The following WDFY3 variants were observed in gnomAD, a reference collection of about 807,000 sequenced individuals.
WDFY3 encodes the protein WD repeat and FYVE domain-containing protein 3.
A neutral mutation model predicts 409.6 loss-of-function variants in WDFY3; 66 were observed. The observed-to-expected ratio is 0.16, with a 90% CI of 0.13 to 0.20. The LOEUF is 0.20. WDFY3 is among the 10% of genes least tolerant of loss of function. The probability of loss-of-function intolerance (pLI) is 1.00; values close to 1 mark genes in which losing one functional copy is unlikely to be tolerated. For missense variants in WDFY3, 3,031 were observed against 4,298.1 expected (o/e 0.71, Z 8.24); for synonymous variants, 1,521 against 1,537.1 (o/e 0.99, Z 0.25).
Position 84,775,118 on chromosome 4 carries a change from A to G in WDFY3, c.4539T>C (p.Tyr1513=). 1 of 1,613,450 alleles carries G rather than the reference A, an allele frequency of 6.2e-7. No homozygotes were observed. The part of the protein sequence containing the change: ...CDFEVWLHAP[Y]ELHLSLFEHF... ...GTTCAAATAAGGAAAGATGAAGTTC[A>G]TATGGTGCATGGAGCCAGACCTATA... The change falls in exon 28 of 68, where the codon TAT becomes TAC. Residue 1513 remains tyrosine (Y), a synonymous_variant. Transcript: ENST00000295888.
Position 84,696,145 on chromosome 4 carries a change from T to C in WDFY3, c.8726A>G (p.Glu2909Gly). The C allele has an allele frequency of 6.2e-7, 1 of 1,614,142 alleles. No individual in the cohort carries two copies. Among genetic ancestry groups the C allele is most frequent in the Non-Finnish European group, 8.5e-7 (1 of 1,180,014 alleles). The change falls in exon 58 of 68, where the codon GAG becomes GGG. Residue 2909 changes from glutamate (E) to glycine (G), a missense_variant. Glu to Gly is a moderately conservative substitution (Grantham distance 98, BLOSUM62 -2). This residue lies in a region of WDFY3 where 129 missense variants were observed against 305.3 expected (regional missense o/e 0.42). Transcript: ENST00000295888. Reference sequence around the variant, plus strand: ...ATAACCGAAGATTAAGTCAATCCACTCATGTAGATGGGCACTCACGTAATC... The same window carrying C: ...ATAACCGAAGATTAAGTCAATCCACCCATGTAGATGGGCACTCACGTAATC... Reference protein sequence around the residue: ...ECDYVSAHLHEWIDLIFGYKQ... With the variant: ...ECDYVSAHLHGWIDLIFGYKQ...
intron 4 of WDFY3, 95 bp from the exon 5 acceptor site, chr4:84,850,120 C>G: frequency 1.5e-6 from 2 of 1,370,442 alleles, no homozygotes; most frequent in South Asian, 1.5e-5. Context: ...AAAATCAAGT[C>G]CAGAAAAGTC....
chr4:84,735,155 A>C (rs1737223289), intron 42 of WDFY3, 35 bp from the exon 43 acceptor site: 10 of 1,574,154 alleles, frequency 6.4e-6, no homozygotes, highest in African/African-American at 1.4e-5. Flanking sequence ...TTAATATTTC[A>C]TGGATTTCTG....
chr4:84,866,161 G>A (rs1453776716), intron 3 of WDFY3, among the ~76,000 whole-genome samples: 2 of 152,094 alleles, frequency 1.3e-5, no homozygotes, highest in African/African-American at 2.4e-5. Context: ...TCAATGATGG[G>A]GGAAAAAATC....
At chr4:84,902,514 A>G (rs576378427) in intron 2 of WDFY3, among the ~76,000 whole-genome samples, 3 of 152,292 alleles carry the variant, frequency 2.0e-5, no homozygotes, top group Non-Finnish European at 4.4e-5. Context: ...GTTAAACTCT[A>G]AAAGAGGAAG....
chr4:84,933,936 T>C (rs943764516), intron 1 of WDFY3, among the ~76,000 whole-genome samples: 1 of 152,126 alleles, frequency 6.6e-6, no homozygotes, highest in African/African-American at 2.4e-5. Flanking sequence ...TGATAGACAC[T>C]TAGTTTGCAT....
intron 29 of WDFY3, 145 bp from the exon 30 acceptor site, chr4:84,773,074 T>C: frequency 3.2e-6 from 2 of 631,086 alleles, no homozygotes; most frequent in Non-Finnish European, 5.2e-6. Context: ...TTTTATTCAC[T>C]TGCAGAAAGA....
At chr4:84,902,924 C>A (rs1766533779) in intron 2 of WDFY3, among the ~76,000 whole-genome samples, 1 of 152,178 alleles carries the variant, frequency 6.6e-6, no homozygotes, top group South Asian at 2.1e-4. Flanking sequence ...TAACAAATAG[C>A]TTCTAACCAA....
chr4:84,722,343 C>T (rs1167092037), intron 46 of WDFY3, among the ~76,000 whole-genome samples: 2 of 152,012 alleles, frequency 1.3e-5, no homozygotes, highest in African/African-American at 2.4e-5. Flanking sequence ...GCTGAGATCA[C>T]GCCACTGCAC....
chr4:84,690,759 C>T (rs1013977788), intron 60 of WDFY3, 95 bp from the exon 61 acceptor site: 169 of 1,414,216 alleles, frequency 1.2e-4, no homozygotes, highest in Non-Finnish European at 1.5e-4. Context: ...GTGCAGGCAC[C>T]TCACCAGCAA....
intron 32 of WDFY3, among the ~76,000 whole-genome samples, chr4:84,760,978 T>C (rs1742472171): frequency 6.6e-6 from 1 of 150,872 alleles, no homozygotes; most frequent in African/African-American, 2.4e-5. Flanking sequence ...CTGCTTTGAA[T>C]GTGTCCCAGA....
In WDFY3 at chr4:84,673,226, C is replaced by T. The variant is rs879130209; in HGVS notation, c.10458-235G>A. The stretch of plus-strand genomic sequence containing the variant: ...CTTTGACTGACAAGAATTAAAAAAA[C>T]GAAAACAAAAAAACAGAGTTAAGAT... On this transcript the variant is annotated intron_variant, in intron 67 of 67. Coordinates refer to ENST00000295888, the MANE Select transcript of WDFY3 (RefSeq NM_014991.6). Among the ~76,000 whole-genome samples the T allele has an allele frequency of 1.3e-5, 2 of 152,004 alleles. No homozygotes were observed. The highest frequency in any genetic ancestry group is 6.6e-5 in the Admixed American group (1 of 15,260).
At chr4:84,828,963 A>G in intron 9 of WDFY3, 41 bp downstream of exon 9, 1 of 1,508,578 alleles carries the variant, frequency 6.6e-7, no homozygotes, top group African/African-American at 1.4e-5. Flanking sequence ...AAAAAGACTG[A>G]GTAGACATTT....
intron 2 of WDFY3, among the ~76,000 whole-genome samples, chr4:84,901,753 C>T (rs1444769387): frequency 6.6e-6 from 1 of 152,044 alleles, no homozygotes; most frequent in African/African-American, 2.4e-5. Context: ...AGATGAGATC[C>T]GAAAGTGTTG....
intron 35 of WDFY3, among the ~76,000 whole-genome samples, chr4:84,752,409 AG>A (rs34761908): frequency 6.6e-6 from 1 of 151,960 alleles, no homozygotes; most frequent in African/African-American, 2.4e-5. Flanking sequence ...TCAGCTACTC[AG>A]GAGGGTGAGG....
intron 12 of WDFY3, among the ~76,000 whole-genome samples, chr4:84,818,723 T>C (rs142006374): frequency 9.2e-5 from 14 of 152,268 alleles, no homozygotes; most frequent in African/African-American, 3.1e-4. Flanking sequence ...ATTATTTAAA[T>C]ACTTAAACTA....
chr4:84,856,769 C>A (rs1759814826), intron 4 of WDFY3, among the ~76,000 whole-genome samples: 1 of 152,122 alleles, frequency 6.6e-6, no homozygotes, highest in African/African-American at 2.4e-5. Context: ...AGCTTGTTCA[C>A]CATTTAGCTC....
chr4:84,837,841 G>C (rs1432445162), intron 6 of WDFY3, among the ~76,000 whole-genome samples: 2 of 152,158 alleles, frequency 1.3e-5, no homozygotes, highest in Non-Finnish European at 2.9e-5. Flanking sequence ...AACATTTATT[G>C]AGTGTCCAGG....
chr4:84,879,703 G>A (rs757187199), intron 3 of WDFY3, among the ~76,000 whole-genome samples: 4 of 151,770 alleles, frequency 2.6e-5, no homozygotes, highest in African/African-American at 4.8e-5. Context: ...CTAGAAATTG[G>A]GAGAGAAATA....
Sources: gnomAD v4.1 joint callset for allele counts (sites outside exome capture counted in the v4.1 genomes callset) on GRCh38, gnomAD v4.1.1 for gene constraint, gnomAD v4.1.1 regional missense constraint, MANE v1.5 for transcripts, NCBI Gene and HGNC (gene_info 2026-07-23, HGNC 2026-07-21) for gene names.